The following CIRSR variants were observed in gnomAD, a reference collection of about 807,000 sequenced individuals.
CIRSR encodes corepressor of RBPJ and splicing regulator, also known as CBF1 (RBPJ) interacting corepressor 1.
At chr2:174,362,674 G>A in the CIRSR span, among the ~76,000 whole-genome samples, 7 of 110,666 alleles carry the variant, frequency 6.3e-5, no homozygotes, top group Admixed American at 1.2e-4. Context: ...GTGACAGAGC[G>A]AGACTCTGCC....
chr2:174,375,175 C>G, the CIRSR span, among the ~76,000 whole-genome samples: 1 of 152,232 alleles, frequency 6.6e-6, no homozygotes, highest in African/African-American at 2.4e-5. Context: ...GAAAATCTGC[C>G]TTATCACTTT....
the CIRSR span, among the ~76,000 whole-genome samples, chr2:174,383,120 T>C: frequency 6.6e-6 from 1 of 152,188 alleles, no homozygotes; most frequent in Non-Finnish European, 1.5e-5. Context: ...AAAAGCATTA[T>C]GCTATGTGAA....
chr2:174,366,539 A>G, the CIRSR span, among the ~76,000 whole-genome samples: 21 of 152,338 alleles, frequency 1.4e-4, no homozygotes, highest in African/African-American at 5.1e-4. Context: ...CTTGAAGGAA[A>G]TATTAAAAGA....
chr2:174,370,750 TA>T, the CIRSR span, among the ~76,000 whole-genome samples: 2 of 150,492 alleles, frequency 1.3e-5, no homozygotes, highest in African/African-American at 2.4e-5. Flanking sequence ...CCATCTCTAC[TA>T]AAAAAAAATA....
chr2:174,394,864 C>A, the CIRSR span, among the ~76,000 whole-genome samples: 2 of 152,324 alleles, frequency 1.3e-5, no homozygotes, highest in East Asian at 3.9e-4. Flanking sequence ...CCTTTATCTT[C>A]ACTATTTCAC....
chr2:174,384,799 T>C, the CIRSR span, among the ~76,000 whole-genome samples: 1 of 152,202 alleles, frequency 6.6e-6, no homozygotes, highest in Non-Finnish European at 1.5e-5. Flanking sequence ...TCAAGACATA[T>C]ATAAAATAAA....
chr2:174,394,911 C>T, the CIRSR span, among the ~76,000 whole-genome samples: 2 of 152,174 alleles, frequency 1.3e-5, no homozygotes, highest in African/African-American at 2.4e-5. Context: ...CCTTAATTTA[C>T]AGATTAGAAG....
chr2:174,378,966 A>G, the CIRSR span: 1 of 1,613,754 alleles, frequency 6.2e-7, no homozygotes, highest in Middle Eastern at 1.7e-4. Context: ...TTCCAGAAAG[A>G]CCAAACAAAG....
the CIRSR span, chr2:174,378,770 T>C: frequency 5.9e-6 from 4 of 677,802 alleles, no homozygotes; most frequent in East Asian, 5.4e-5. Context: ...AGTTTCCCAT[T>C]AATCATATTT....
chr2:174,361,053 T>A, the CIRSR span, among the ~76,000 whole-genome samples: 1 of 152,060 alleles, frequency 6.6e-6, no homozygotes, highest in Non-Finnish European at 1.5e-5. Flanking sequence ...AGACTTATAA[T>A]CAACTATAAT....
At chr2:174,393,128 A>C in the CIRSR span, among the ~76,000 whole-genome samples, 5 of 152,102 alleles carry the variant, frequency 3.3e-5, no homozygotes, top group Non-Finnish European at 7.4e-5. Context: ...CTAAGGGAAC[A>C]GAGAGTTTCA....
At chr2:174,356,180 T>C in the CIRSR span, among the ~76,000 whole-genome samples, 3 of 151,962 alleles carry the variant, frequency 2.0e-5, no homozygotes, top group South Asian at 2.1e-4. Context: ...GAAATGCCTT[T>C]CCTGGCCAGG....
the CIRSR span, among the ~76,000 whole-genome samples, chr2:174,383,031 T>C: frequency 6.6e-6 from 1 of 152,288 alleles, no homozygotes; most frequent in South Asian, 2.1e-4. Context: ...ACATCCAATA[T>C]ATGTAGATAT....
chr2:174,348,337 T>C, the CIRSR span: 2 of 1,165,054 alleles, frequency 1.7e-6, no homozygotes, highest in Non-Finnish European at 2.3e-6. Context: ...AGTTTTGTAC[T>C]TGAATTGACA....
the CIRSR span, among the ~76,000 whole-genome samples, chr2:174,389,205 TG>T: frequency 1.3e-5 from 2 of 152,192 alleles, no homozygotes; most frequent in Admixed American, 1.3e-4. Context: ...TGGGAAACTC[TG>T]GAACTTCCTA....
At chr2:174,372,598 T>C in the CIRSR span, among the ~76,000 whole-genome samples, 1 of 152,336 alleles carries the variant, frequency 6.6e-6, no homozygotes, top group Middle Eastern at 3.4e-3. Flanking sequence ...CTAGGTGTTC[T>C]TTCTCTATTT....
the CIRSR span, chr2:174,378,798 A>G: frequency 1.3e-6 from 1 of 763,584 alleles, no homozygotes; most frequent in Admixed American, 2.0e-5. Context: ...GGTCTTAGTC[A>G]AAAACAAACA....
At chr2:174,358,735 CAG>C in the CIRSR span, among the ~76,000 whole-genome samples, 2 of 152,196 alleles carry the variant, frequency 1.3e-5, no homozygotes, top group East Asian at 1.9e-4. Context: ...TTTTTTGAGA[CAG>C]AGTCTCAGCC....
At chr2:174,387,753 T>C in the CIRSR span, 5 of 1,597,652 alleles carry the variant, frequency 3.1e-6, no homozygotes, top group Non-Finnish European at 4.3e-6. Context: ...TCTTATCATA[T>C]GATATTTTCT....
Sources: gnomAD v4.1 joint callset for allele counts (sites outside exome capture counted in the v4.1 genomes callset) on GRCh38, gnomAD v4.1.1 for gene constraint, MANE v1.5 for transcripts, NCBI Gene and HGNC (gene_info 2026-07-23, HGNC 2026-07-21) for gene names.